SNTG1: variants seen among roughly 807,000 people sequenced by gnomAD.
SNTG1 encodes syntrophin gamma 1, also known as gamma-1-syntrophin.
A neutral mutation model predicts 74.7 loss-of-function variants in SNTG1; 39 were observed. The observed-to-expected ratio is 0.52, with a 90% CI of 0.40 to 0.68. The LOEUF is 0.68. SNTG1 is among the 30% of genes least tolerant of loss of function. The pLI is 0.00. For missense variants in SNTG1, 685 were observed against 609.5 expected, an observed-to-expected ratio of 1.12 and a Z score of -1.30; for synonymous variants, 254 against 217.1, an observed-to-expected ratio of 1.17 and a Z score of -1.49.
rs1055165599 is a variant in SNTG1 at position 50,723,035 on chromosome 8, C to T, written c.1284+14057C>T. ...TTTCATGGGAAAAAGAAAGTGCTTG[C>T]ATAAACAATGTTAAATGATTTTCTT... On this transcript the variant is annotated intron_variant, in intron 17 of 18. Transcript: ENST00000642720. 2.6e-5 allele frequency among the ~76,000 whole-genome samples: 4 copies of T among 152,064 alleles called. No individual in the cohort carries two copies. The South Asian group carries it at 6.2e-4, about 24-fold the overall frequency.
intron 2 of SNTG1, among the ~76,000 whole-genome samples, chr8:50,188,694 G>A (rs2083466275): frequency 6.6e-6 from 1 of 152,070 alleles, no homozygotes; most frequent in Non-Finnish European, 1.5e-5. Context: ...GTACTGCAGT[G>A]CACACCCAAC....
At chr8:50,733,306 C>G (rs1379951716) in intron 17 of SNTG1, among the ~76,000 whole-genome samples, 1 of 151,848 alleles carries the variant, frequency 6.6e-6, no homozygotes, top group Non-Finnish European at 1.5e-5. Context: ...TGTATAGGTA[C>G]CACATTTTTT....
At chr8:50,045,653 G>A (rs779551115) in intron 1 of SNTG1, among the ~76,000 whole-genome samples, 12 of 152,214 alleles carry the variant, frequency 7.9e-5, no homozygotes, top group Non-Finnish European at 1.3e-4. Context: ...TCAAAAATAT[G>A]TGTTGTTGTA....
chr8:50,586,903 C>T (rs943216156), intron 12 of SNTG1, among the ~76,000 whole-genome samples: 4 of 151,384 alleles, frequency 2.6e-5, no homozygotes, highest in Non-Finnish European at 5.9e-5. Context: ...AGTTATATTT[C>T]AAAATAATAA....
intron 8 of SNTG1, among the ~76,000 whole-genome samples, chr8:50,487,262 T>C (rs1311026632): frequency 6.6e-6 from 1 of 152,178 alleles, no homozygotes; most frequent in Non-Finnish European, 1.5e-5. Flanking sequence ...AGTTCAACCA[T>C]TGTGGAAGTC....
intron 17 of SNTG1, among the ~76,000 whole-genome samples, chr8:50,734,541 T>G (rs532120677): frequency 6.6e-6 from 1 of 150,928 alleles, no homozygotes; most frequent in African/African-American, 2.4e-5. Context: ...TATAAAAATT[T>G]TAATTAGTAT....
intron 1 of SNTG1, among the ~76,000 whole-genome samples, chr8:50,162,651 T>C (rs2082465316): frequency 6.6e-6 from 1 of 152,000 alleles, no homozygotes; most frequent in African/African-American, 2.4e-5. Flanking sequence ...GTTAGCCCGC[T>C]GGATCTCCAG....
chr8:50,042,658 G>T (rs28418948), intron 1 of SNTG1, among the ~76,000 whole-genome samples: 3,326 of 152,180 alleles, frequency 0.022, 128 homozygotes, highest in African/African-American at 0.074. Flanking sequence ...CTGGGCTCAA[G>T]TGATCCTCCT....
At chr8:50,586,026 C>T (rs1358794349) in intron 12 of SNTG1, among the ~76,000 whole-genome samples, 5 of 152,114 alleles carry the variant, frequency 3.3e-5, no homozygotes, top group Non-Finnish European at 7.4e-5. Flanking sequence ...TTCATTTTCC[C>T]TCTATCTGTT....
rs1001482024 is a variant in SNTG1, at chr8:50,434,850, T to A, written c.163-3693T>A. Among the ~76,000 whole-genome samples the A allele has an allele frequency of 2.0e-5, 3 of 152,196 alleles. No individual in the cohort carries two copies. The South Asian group carries it at 6.2e-4, about 31-fold the overall frequency. ...TCCATTATTGTTCTACAAACAATAA[T>A]GTATTGGTTTCTGTAACACAAAATT... On this transcript the variant is annotated intron_variant, in intron 4 of 18. Transcript: ENST00000642720.
intron 18 of SNTG1, among the ~76,000 whole-genome samples, chr8:50,782,603 C>T (rs1392846617): frequency 4.6e-5 from 7 of 152,094 alleles, no homozygotes; most frequent in East Asian, 1.9e-4. Context: ...GTTATACATT[C>T]GTCTAAATTT....
intron 12 of SNTG1, among the ~76,000 whole-genome samples, chr8:50,566,027 T>A (rs1438805517): frequency 9.9e-5 from 15 of 151,934 alleles, no homozygotes; most frequent in Non-Finnish European, 2.9e-5. Flanking sequence ...TATAAGTGAA[T>A]TTTTCATAAG....
chr8:50,697,093 T>C (rs1006175178), intron 15 of SNTG1, among the ~76,000 whole-genome samples: 1 of 152,136 alleles, frequency 6.6e-6, no homozygotes, highest in Non-Finnish European at 1.5e-5. Context: ...TGTTTTGTCA[T>C]ATGTTTGTGT....
At chr8:50,133,808 C>T (rs1228252025) in intron 1 of SNTG1, among the ~76,000 whole-genome samples, 2 of 152,174 alleles carry the variant, frequency 1.3e-5, no homozygotes, top group African/African-American at 4.8e-5. Context: ...CCATTTATAC[C>T]TGCAATGGCT....
At chr8:50,055,774 TTC>T (rs1166723711) in intron 1 of SNTG1, among the ~76,000 whole-genome samples, 1 of 152,162 alleles carries the variant, frequency 6.6e-6, no homozygotes, top group African/African-American at 2.4e-5. Context: ...CATTCTTTTT[TTC>T]TCTCATTAGA....
At chr8:50,100,579 T>A (rs1326788224) in intron 1 of SNTG1, among the ~76,000 whole-genome samples, 2 of 152,098 alleles carry the variant, frequency 1.3e-5, no homozygotes, top group Non-Finnish European at 2.9e-5. Context: ...GACATATTCC[T>A]TCAAATATAT....
At chr8:50,091,115 T>C (rs1195544566) in intron 1 of SNTG1, among the ~76,000 whole-genome samples, 1 of 152,100 alleles carries the variant, frequency 6.6e-6, no homozygotes, top group Non-Finnish European at 1.5e-5. Flanking sequence ...AATAAAAATA[T>C]ATTTTTTCTT....
chr8:50,205,708 A>G (rs1361269117), intron 2 of SNTG1, among the ~76,000 whole-genome samples: 2 of 152,172 alleles, frequency 1.3e-5, no homozygotes, highest in East Asian at 1.9e-4. Flanking sequence ...TAGGTCTAAC[A>G]TGTAAGTCTT....
At chr8:50,442,046 A>G (rs536978915) in intron 5 of SNTG1, among the ~76,000 whole-genome samples, 1 of 152,344 alleles carries the variant, frequency 6.6e-6, no homozygotes, top group Admixed American at 6.5e-5. Context: ...GCTTTAGCGC[A>G]TGCTGCACAT....
Sources: allele counts gnomAD v4.1 joint callset (sites outside exome capture counted in the v4.1 genomes callset), GRCh38; gene constraint gnomAD v4.1.1; transcripts MANE v1.5; gene names NCBI Gene and HGNC (gene_info 2026-07-23, HGNC 2026-07-21).